Variants in USH2A observed in about 807,000 individuals in gnomAD.
USH2A encodes Usher syndrome 2A (autosomal recessive, mild).
A neutral mutation model predicts 538.9 loss-of-function variants in USH2A; 443 were observed. The ratio of observed to expected loss-of-function variants is 0.82; its 90% CI spans 0.76 to 0.89. The LOEUF is 0.89. Ranked by LOEUF, USH2A falls within the 40% of genes least tolerant of loss-of-function variation. The pLI, the probability that USH2A is intolerant of heterozygous loss-of-function variation, is 0.00. For missense variants in USH2A, 6,633 were observed against 6,324.8 expected, an observed-to-expected ratio of 1.05 and a Z score of -1.65; for synonymous variants, 2,413 against 2,273.5, an observed-to-expected ratio of 1.06 and a Z score of -1.75.
intron 64 of USH2A, among the ~76,000 whole-genome samples, chr1:215,655,332 A>G (rs146031016): frequency 2.0e-5 from 3 of 152,360 alleles, no homozygotes; most frequent in African/African-American, 7.2e-5. Context: ...TCACAATTCA[A>G]TAATCATCAT....
chr1:215,628,153 G>T (rs759153582), intron 71 of USH2A, among the ~76,000 whole-genome samples: 5 of 151,928 alleles, frequency 3.3e-5, no homozygotes, highest in Non-Finnish European at 7.4e-5. Flanking sequence ...TACACCAATA[G>T]GAAAAGGCAA....
chr1:216,018,406 G>C (rs1668766775), intron 32 of USH2A, among the ~76,000 whole-genome samples: 1 of 152,172 alleles, frequency 6.6e-6, no homozygotes, highest in Non-Finnish European at 1.5e-5. Flanking sequence ...TGTAGGAAGG[G>C]CCTCCCCTCA....
intron 3 of USH2A, among the ~76,000 whole-genome samples, chr1:216,403,055 T>C (rs889593503): frequency 6.6e-5 from 10 of 152,140 alleles, no homozygotes; most frequent in Admixed American, 2.0e-4. Flanking sequence ...ATAAAAGGAA[T>C]TGTATACTAC....
At chr1:216,371,787 G>A (rs1432026611) in intron 3 of USH2A, among the ~76,000 whole-genome samples, 1 of 152,074 alleles carries the variant, frequency 6.6e-6, no homozygotes, top group East Asian at 1.9e-4. Flanking sequence ...CTAACTGATT[G>A]ATCAACTAAT....
intron 4 of USH2A, among the ~76,000 whole-genome samples, chr1:216,345,423 T>C (rs1407708161): frequency 6.6e-6 from 1 of 152,076 alleles, no homozygotes; most frequent in African/African-American, 2.4e-5. Flanking sequence ...AGGGCTATGA[T>C]GCGTCAAGCT....
intron 55 of USH2A, among the ~76,000 whole-genome samples, chr1:215,776,845 T>A (rs886305471): frequency 1.3e-5 from 2 of 152,146 alleles, no homozygotes; most frequent in African/African-American, 4.8e-5. Flanking sequence ...GGCAAATGAG[T>A]AACATTATAT....
chr1:216,255,721 T>C (rs1054739316), intron 11 of USH2A, among the ~76,000 whole-genome samples: 3 of 152,178 alleles, frequency 2.0e-5, no homozygotes, highest in African/African-American at 7.2e-5. Context: ...GGGTTGAATG[T>C]TCCATAACTG....
At chr1:215,939,166 C>T (rs1666574193) in intron 37 of USH2A, among the ~76,000 whole-genome samples, 1 of 152,152 alleles carries the variant, frequency 6.6e-6, no homozygotes, top group Non-Finnish European at 1.5e-5. Flanking sequence ...AAGTATTATA[C>T]CTCTTTCTCT....
At chr1:216,188,917 A>G (rs758278958) in intron 20 of USH2A, among the ~76,000 whole-genome samples, 13 of 151,986 alleles carry the variant, frequency 8.6e-5, no homozygotes, top group African/African-American at 1.2e-4. Flanking sequence ...AACTTGTAAG[A>G]CTGATTCTTA....
intron 3 of USH2A, among the ~76,000 whole-genome samples, chr1:216,385,241 G>T (rs1571766158): frequency 6.6e-6 from 1 of 152,252 alleles, no homozygotes; most frequent in East Asian, 1.9e-4. Context: ...CATGAGGAGT[G>T]GATGAATGAG....
chr1:215,683,277 T>A (rs1215160642), intron 61 of USH2A, among the ~76,000 whole-genome samples: 2 of 151,080 alleles, frequency 1.3e-5, no homozygotes, highest in Non-Finnish European at 2.9e-5. Context: ...AAACCACATA[T>A]AGACTCCTTA....
chr1:215,838,411 T>C (rs1663588663), intron 46 of USH2A, among the ~76,000 whole-genome samples: 1 of 152,200 alleles, frequency 6.6e-6, no homozygotes, highest in South Asian at 2.1e-4. Flanking sequence ...GAATGGAAGA[T>C]GCCCAAGTGA....
At chr1:216,180,622 G>A (rs2034474839) in intron 20 of USH2A, among the ~76,000 whole-genome samples, 1 of 151,984 alleles carries the variant, frequency 6.6e-6, no homozygotes, top group Non-Finnish European at 1.5e-5. Flanking sequence ...TGTTTTTAAG[G>A]AATCTGTTCA....
intron 9 of USH2A, among the ~76,000 whole-genome samples, chr1:216,321,112 G>A (rs1277846702): frequency 1.3e-5 from 2 of 152,010 alleles, no homozygotes; most frequent in Non-Finnish European, 2.9e-5. Flanking sequence ...AATCAGTAGA[G>A]CTCTAATTTT....
chr1:216,267,937 TACA>T (rs201258912), intron 11 of USH2A, among the ~76,000 whole-genome samples: 2,599 of 152,220 alleles, frequency 0.017, 32 homozygotes, highest in Non-Finnish European at 0.025. Context: ...TTCCTTAGCT[TACA>T]ACAACAATAA....
chr1:216,189,817 A>C (rs1408815395), intron 20 of USH2A, among the ~76,000 whole-genome samples: 3 of 151,950 alleles, frequency 2.0e-5, no homozygotes, highest in Admixed American at 1.3e-4. Flanking sequence ...TCCTCATAAG[A>C]AGCTTCCTGA....
At chr1:216,410,698 G>C (rs1026754934) in intron 3 of USH2A, among the ~76,000 whole-genome samples, 3 of 152,040 alleles carry the variant, frequency 2.0e-5, no homozygotes, top group Non-Finnish European at 2.9e-5. Context: ...TTCTCTTCCA[G>C]TATTTCTATT....
intron 3 of USH2A, among the ~76,000 whole-genome samples, chr1:216,411,721 A>G (rs563427755): frequency 6.6e-6 from 1 of 152,242 alleles, no homozygotes; most frequent in South Asian, 2.1e-4. Flanking sequence ...GTGTCTGTGC[A>G]AACACCAGAT....
At chr1:215,985,048 TAA>T (rs1290696631) in intron 35 of USH2A, among the ~76,000 whole-genome samples, 2 of 152,214 alleles carry the variant, frequency 1.3e-5, no homozygotes, top group African/African-American at 2.4e-5. Flanking sequence ...AGGTGTTTCA[TAA>T]AAGTTACGCA....
Sources: gnomAD v4.1 joint callset for allele counts (sites outside exome capture counted in the v4.1 genomes callset) on GRCh38, gnomAD v4.1.1 for gene constraint, MANE v1.5 for transcripts, NCBI Gene and HGNC (gene_info 2026-07-23, HGNC 2026-07-21) for gene names.